Variants in NLRP11 observed in about 807,000 individuals in gnomAD.
NLRP11 encodes the protein NLR family pyrin domain containing 11.
A neutral mutation model predicts 79.3 loss-of-function variants in NLRP11; 53 were observed. The ratio of observed to expected loss-of-function variants is 0.67; its 90% CI spans 0.54 to 0.84. The LOEUF (loss-of-function observed/expected upper bound fraction) is 0.84, where lower values mean the gene tolerates loss of function less well. NLRP11 is among the 40% of genes least tolerant of loss of function. NLRP11 has a pLI of 0.00. For synonymous variants in NLRP11, 518 were observed against 462.6 expected, an observed-to-expected ratio of 1.12 and a Z score of -1.54; for missense variants, 1,264 against 1,255.0, an observed-to-expected ratio of 1.01 and a Z score of -0.11.
intron 4 of NLRP11, among the ~76,000 whole-genome samples, chr19:55,802,298 T>C (rs1004019096): frequency 1.3e-5 from 2 of 152,170 alleles, no homozygotes; most frequent in African/African-American, 4.8e-5. Flanking sequence ...CTTCAGCTGA[T>C]AAACTGCAAA....
intron 1 of NLRP11, among the ~76,000 whole-genome samples, chr19:55,821,357 G>A (rs1981718972): frequency 6.6e-6 from 1 of 152,022 alleles, no homozygotes; most frequent in Non-Finnish European, 1.5e-5. Flanking sequence ...GACTCTGCCG[G>A]GAGAGGACAC....
intron 5 of NLRP11, among the ~76,000 whole-genome samples, chr19:55,796,877 C>A (rs1215871294): frequency 6.6e-6 from 1 of 152,008 alleles, no homozygotes; most frequent in Non-Finnish European, 1.5e-5. Context: ...TTAGTAGACA[C>A]CAGGTTTCAC....
intron 1 of NLRP11, among the ~76,000 whole-genome samples, chr19:55,824,679 T>C (rs1982129644): frequency 9.4e-6 from 1 of 106,456 alleles, no homozygotes; most frequent in Non-Finnish European, 1.7e-5. Flanking sequence ...CATTACATAA[T>C]GGTAAAGGGA....
exon 5 of NLRP11, chr19:55,801,660 T>C: frequency 1.2e-6 from 2 of 1,613,730 alleles, no homozygotes; most frequent in Non-Finnish European, 1.7e-6. Context: ...CAGTTGATAC[T>C]CAGGTATGTC....
intron 5 of NLRP11, among the ~76,000 whole-genome samples, chr19:55,796,748 G>A (rs547341957): frequency 1.7e-4 from 26 of 151,616 alleles, no homozygotes; most frequent in South Asian, 6.3e-4. Flanking sequence ...GTGCAATGGT[G>A]CGATCTCGGC....
intron 7 of NLRP11, among the ~76,000 whole-genome samples, chr19:55,791,364 G>T (rs1990225591): frequency 6.6e-6 from 1 of 152,176 alleles, no homozygotes; most frequent in South Asian, 2.1e-4. Flanking sequence ...ATTCTAGAAA[G>T]AAAAGATATC....
intron 6 of NLRP11, among the ~76,000 whole-genome samples, chr19:55,794,454 G>C (rs565366840): frequency 6.6e-6 from 1 of 152,120 alleles, no homozygotes; most frequent in Non-Finnish European, 1.5e-5. Context: ...ATGGATCTTA[G>C]AACAATTTGA....
At chr19:55,808,627 T>TA (rs1980242245) in intron 3 of NLRP11, 142 bp downstream of exon 3, 4 of 760,994 alleles carry the variant, frequency 5.3e-6, no homozygotes, top group Non-Finnish European at 8.7e-6. Flanking sequence ...CAGAGAGATT[T>TA]AAGTCACTGG....
At chr19:55,835,457 T>G (rs1210386453), upstream of NLRP11, among the ~76,000 whole-genome samples, 1 of 152,224 alleles carries the variant, frequency 6.6e-6, no homozygotes, top group African/African-American at 2.4e-5. Flanking sequence ...TCCCAGCACT[T>G]TGGGAGGCCG....
At chr19:55,833,746 C>T (rs562284431), upstream of NLRP11, among the ~76,000 whole-genome samples, 5 of 116,184 alleles carry the variant, frequency 4.3e-5, no homozygotes, top group South Asian at 1.1e-3. Flanking sequence ...CCAGCCTGGG[C>T]GACAGAGCGA....
intron 5 of NLRP11, among the ~76,000 whole-genome samples, chr19:55,797,993 A>ATTTTT (rs200637929): frequency 2.9e-5 from 4 of 136,972 alleles, no homozygotes; most frequent in African/African-American, 1.1e-4. Flanking sequence ...ATTCTATATT[A>ATTTTT]TTATTATTTT....
chr19:55,790,118 G>A (rs1344854318), intron 7 of NLRP11, among the ~76,000 whole-genome samples: 1 of 152,130 alleles, frequency 6.6e-6, no homozygotes. Context: ...TTGCTCAAAT[G>A]TCCCCTTGTC....
In NLRP11 at chr19:55,806,101, C is replaced by T. The variant is rs150227011; in HGVS notation, c.2003+1752G>A. ...TAATGACCACTCCCTCAAAGGCCTT[C>T]GCTAGTTTCTGCTTTTCTCCCCAAT... On this transcript the variant is annotated intron_variant, in intron 4 of 9. Coordinates refer to ENST00000589093, the Ensembl canonical transcript of NLRP11. 2.1e-3 allele frequency among the ~76,000 whole-genome samples: 322 copies of T among 152,334 alleles called. 1 individual carries two copies. Among genetic ancestry groups the T allele is most frequent in the South Asian group, 4.8e-3 (23 of 4,822 alleles).
At chr19:55,813,913 A>C (rs1317214767) in intron 2 of NLRP11, among the ~76,000 whole-genome samples, 3 of 152,114 alleles carry the variant, frequency 2.0e-5, no homozygotes, top group Non-Finnish European at 2.9e-5. Flanking sequence ...AACCCTCAGT[A>C]GATAGTGGTA....
At chr19:55,796,205 G>C in exon 6 of NLRP11, 1 of 1,613,930 alleles carries the variant, frequency 6.2e-7, no homozygotes, top group Non-Finnish European at 8.5e-7. Flanking sequence ...TGAGGAGAGA[G>C]GCGATTTCTT....
At chr19:55,816,788 C>G (rs1981161019) in intron 2 of NLRP11, among the ~76,000 whole-genome samples, 1 of 152,182 alleles carries the variant, frequency 6.6e-6, no homozygotes, top group Non-Finnish European at 1.5e-5. Flanking sequence ...TTCTTTGAGT[C>G]TAATCCTTTG....
intron 1 of NLRP11, among the ~76,000 whole-genome samples, chr19:55,820,904 C>T (rs2616950): frequency 6.6e-5 from 10 of 152,022 alleles, no homozygotes; most frequent in Non-Finnish European, 1.0e-4. Flanking sequence ...TAACATGACA[C>T]GTCCGAAACT....
At chr19:55,818,045 G>A in exon 2 of NLRP11, 1 of 1,614,106 alleles carries the variant, frequency 6.2e-7, no homozygotes, top group African/African-American at 1.3e-5. Context: ...ATCTGTATCA[G>A]TGGAAACTGT....
At chr19:55,817,598 C>A (rs1473605232) in intron 2 of NLRP11, among the ~76,000 whole-genome samples, 3 of 152,052 alleles carry the variant, frequency 2.0e-5, no homozygotes, top group Non-Finnish European at 4.4e-5. Context: ...ATTGTATTTT[C>A]TCTTAAGTGG....
Sources: gnomAD v4.1 joint callset for allele counts (sites outside exome capture counted in the v4.1 genomes callset) on GRCh38, gnomAD v4.1.1 for gene constraint, MANE v1.5 for transcripts, NCBI Gene and HGNC (gene_info 2026-07-23, HGNC 2026-07-21) for gene names.